Variants in DOCK1 observed in about 807,000 individuals in gnomAD.
DOCK1 encodes dedicator of cytokinesis 1.
A neutral mutation model predicts 262.7 loss-of-function variants in DOCK1; 138 were observed. The observed-to-expected ratio is 0.53, with a 90% CI of 0.46 to 0.61. The LOEUF (loss-of-function observed/expected upper bound fraction) is 0.61. DOCK1 is among the 20% of genes least tolerant of loss of function. The probability of loss-of-function intolerance (pLI) is 0.00; values close to 1 mark genes in which losing one functional copy is unlikely to be tolerated. For missense variants in DOCK1, 1,908 were observed against 2,370.7 expected (o/e 0.80, Z 4.05); for synonymous variants, 866 against 867.4 (o/e 1.00, Z 0.03).
At chr10:127,337,365 G>A (rs1267469192) in intron 29 of DOCK1, among the ~76,000 whole-genome samples, 1 of 152,114 alleles carries the variant, frequency 6.6e-6, no homozygotes, top group Non-Finnish European at 1.5e-5. Context: ...AAGACTGGGG[G>A]GCTGATTAGA....
At chr10:126,963,615 CTTCCCTTCCCTTCCCTTCCCTTCCCTCCT>C (rs2037409234) in intron 1 of DOCK1, among the ~76,000 whole-genome samples, 2 of 73,684 alleles carry the variant, frequency 2.7e-5, no homozygotes, top group African/African-American at 1.3e-4. Flanking sequence ...CTTCCCTTCC[CTTCCCTTCCCTTCCCTTCCCTTCCCTCCT>C]TCCTTCCTTC....
At chr10:127,213,921 G>A (rs1308914096) in intron 27 of DOCK1, among the ~76,000 whole-genome samples, 1 of 152,110 alleles carries the variant, frequency 6.6e-6, no homozygotes, top group Non-Finnish European at 1.5e-5. Flanking sequence ...CTCACTGCAA[G>A]CTCCGCCTCT....
intron 21 of DOCK1, among the ~76,000 whole-genome samples, chr10:127,051,509 CAA>C (rs1235276622): frequency 1.3e-5 from 2 of 152,096 alleles, no homozygotes; most frequent in Non-Finnish European, 2.9e-5. Flanking sequence ...TTTCCAATAA[CAA>C]ATACTGTTTC....
intron 1 of DOCK1, among the ~76,000 whole-genome samples, chr10:126,914,123 C>G (rs1342272732): frequency 5.3e-5 from 8 of 152,216 alleles, no homozygotes; most frequent in African/African-American, 1.9e-4. Context: ...TGCATGGGCC[C>G]CATTGCTTCT....
intron 27 of DOCK1, among the ~76,000 whole-genome samples, chr10:127,239,674 G>A (rs959088224): frequency 1.3e-5 from 2 of 152,010 alleles, no homozygotes; most frequent in Non-Finnish European, 1.5e-5. Flanking sequence ...TTTTAAGACC[G>A]AGTTACGCTC....
At position 126,954,692 on chromosome 10, in the gene DOCK1, C is replaced by T. The variant is rs969539011; in HGVS notation, c.47-16010C>T. 5.1e-4 allele frequency among the ~76,000 whole-genome samples: 77 copies of T among 152,310 alleles called. 1 individual carries two copies. In the East Asian group the frequency reaches 0.013, roughly 26 times the overall value. On this transcript the variant is annotated intron_variant, in intron 1 of 51. Coordinates refer to ENST00000623213, the MANE Select transcript of DOCK1 (RefSeq NM_001290223.2). ...GTAAGTAGGATCACACGCTTCTGTC[C>T]TTTTGTGACTGGCTTATTTCACTCA...
At chr10:127,196,283 G>A (rs890957727) in intron 27 of DOCK1, 1 of 149,014 alleles carries the variant, frequency 6.7e-6, no homozygotes, top group East Asian at 2.0e-4. Flanking sequence ...CGACGCGCGC[G>A]GGGAGGCAGC....
intron 23 of DOCK1, among the ~76,000 whole-genome samples, chr10:127,101,453 A>C (rs2048241857): frequency 6.6e-6 from 1 of 152,126 alleles, no homozygotes. Context: ...TTCTTGCTAA[A>C]CCTCATTTAC....
chr10:127,375,305 A>G (rs986720576), intron 35 of DOCK1, among the ~76,000 whole-genome samples: 1 of 152,252 alleles, frequency 6.6e-6, no homozygotes, highest in East Asian at 1.9e-4. Context: ...ACTCGTGGCC[A>G]TAGTAGGGCT....
intron 29 of DOCK1, among the ~76,000 whole-genome samples, chr10:127,286,124 C>T (rs574603125): frequency 3.3e-5 from 5 of 152,088 alleles, no homozygotes; most frequent in South Asian, 2.1e-4. Context: ...AGGCCTGAAT[C>T]GTGTTCATTT....
chr10:127,087,133 G>A (rs1483352177), intron 23 of DOCK1, among the ~76,000 whole-genome samples: 1 of 152,148 alleles, frequency 6.6e-6, no homozygotes, highest in Non-Finnish European at 1.5e-5. Flanking sequence ...CTTGTTCTTA[G>A]AGCACCAGGT....
chr10:127,126,611 T>C (rs1181520495), intron 26 of DOCK1, among the ~76,000 whole-genome samples: 1 of 152,122 alleles, frequency 6.6e-6, no homozygotes, highest in Non-Finnish European at 1.5e-5. Flanking sequence ...CCAGCACATA[T>C]GGAAAAGTCT....
chr10:127,154,657 C>T (rs1210200629), intron 27 of DOCK1, among the ~76,000 whole-genome samples: 2 of 152,166 alleles, frequency 1.3e-5, no homozygotes, highest in Non-Finnish European at 2.9e-5. Context: ...ATTGCCATAA[C>T]TTCTGAGTTA....
chr10:127,367,431 A>G (rs1190773361), intron 33 of DOCK1, among the ~76,000 whole-genome samples: 7 of 152,076 alleles, frequency 4.6e-5, no homozygotes, highest in Non-Finnish European at 1.0e-4. Flanking sequence ...TTCATGGGCC[A>G]TGTCCTCCTT....
At chr10:127,259,752 G>A (rs1368845338) in intron 29 of DOCK1, among the ~76,000 whole-genome samples, 3 of 150,722 alleles carry the variant, frequency 2.0e-5, no homozygotes, top group Admixed American at 2.0e-4. Context: ...AGGGTCTCCC[G>A]TTTAGGAGGG....
At chr10:127,095,496 T>G (rs1592004548) in intron 23 of DOCK1, among the ~76,000 whole-genome samples, 1 of 152,214 alleles carries the variant, frequency 6.6e-6, no homozygotes, top group East Asian at 1.9e-4. Context: ...GTGCAGGGGA[T>G]TTACTTAGCC....
rs978668336 is a variant in DOCK1, at chr10:127,346,323, G to A, written c.3224+2577G>A. On this transcript the variant is annotated intron_variant, in intron 31 of 51. Transcript: ENST00000623213. ...TCAAGACATGCACTAACAGCGGTGC[G>A]GTGGCTCATACCTGTAATCCCAGCA... Among the ~76,000 whole-genome samples the A allele has an allele frequency of 4.6e-5, 7 of 152,310 alleles. No individual in the cohort carries two copies. The East Asian group carries it at 1.2e-3, about 25-fold the overall frequency.
At chr10:127,285,024 G>A (rs1393229968) in intron 29 of DOCK1, among the ~76,000 whole-genome samples, 1 of 151,990 alleles carries the variant, frequency 6.6e-6, no homozygotes, top group East Asian at 1.9e-4. Flanking sequence ...TGTAATCCCA[G>A]CTACTCTGGA....
chr10:127,328,429 G>A (rs1299235905), intron 29 of DOCK1, among the ~76,000 whole-genome samples: 1 of 152,218 alleles, frequency 6.6e-6, no homozygotes, highest in Non-Finnish European at 1.5e-5. Context: ...TTGTAAGGAT[G>A]CGTTGCTGGA....
Sources: gnomAD v4.1 joint callset for allele counts (sites outside exome capture counted in the v4.1 genomes callset) on GRCh38, gnomAD v4.1.1 for gene constraint, MANE v1.5 for transcripts, NCBI Gene and HGNC (gene_info 2026-07-23, HGNC 2026-07-21) for gene names.